The following CCDC60 variants were observed in gnomAD, a reference collection of about 807,000 sequenced individuals.
CCDC60 encodes the protein coiled-coil domain-containing protein 60.
CCDC60 carries 54 observed loss-of-function variants against 63.5 expected under a neutral mutation model. The ratio of observed to expected loss-of-function variants is 0.85; its 90% CI spans 0.68 to 1.07. CCDC60 has a LOEUF of 1.07. Ranked by LOEUF, CCDC60 falls within the 50% of genes least tolerant of loss-of-function variation. The pLI is 0.00. For missense variants in CCDC60, 651 were observed against 684.3 expected, an observed-to-expected ratio of 0.95 and a Z score of 0.54; for synonymous variants, 206 against 238.8, an observed-to-expected ratio of 0.86 and a Z score of 1.27.
chr12:119,495,910 G>C (rs1951706576), intron 5 of CCDC60, among the ~76,000 whole-genome samples: 1 of 152,192 alleles, frequency 6.6e-6, no homozygotes, highest in South Asian at 2.1e-4. Flanking sequence ...GCTAGTGATG[G>C]GCAGGGGAGT....
intron 1 of CCDC60, among the ~76,000 whole-genome samples, chr12:119,397,391 T>C (rs1424559202): frequency 2.0e-5 from 3 of 152,128 alleles, no homozygotes; most frequent in Non-Finnish European, 4.4e-5. Context: ...GAGAGCTGAT[T>C]GGTCCATTTT....
chr12:119,360,540 C>T lies in CCDC60; in HGVS notation c.90+25274C>T, dbSNP rs553094826. Among the ~76,000 whole-genome samples, 102 of 149,366 alleles carry T rather than the reference C, an allele frequency of 6.8e-4. 1 individual carries two copies. The highest frequency in any genetic ancestry group is 6.5e-3 in the Admixed American group (98 of 15,070). Reference sequence around the variant, plus strand: ...GGGTCTCCTCACTTCTCAGACGGGGCGGCCGGGCGGAGACGCTCCTCACCT... The same window carrying T: ...GGGTCTCCTCACTTCTCAGACGGGGTGGCCGGGCGGAGACGCTCCTCACCT... On this transcript the variant is annotated intron_variant, in intron 1 of 13. Coordinates refer to ENST00000327554, the MANE Select transcript of CCDC60 (RefSeq NM_178499.5).
At chr12:119,476,075 TCTC>T (rs141356153) in intron 3 of CCDC60, among the ~76,000 whole-genome samples, 2,055 of 152,256 alleles carry the variant, frequency 0.013, 25 homozygotes, top group Non-Finnish European at 0.022. Context: ...GGAATTATTT[TCTC>T]CTCTCTGGAT....
intron 2 of CCDC60, among the ~76,000 whole-genome samples, chr12:119,444,776 G>A (rs1230882529): frequency 6.6e-6 from 1 of 152,076 alleles, no homozygotes; most frequent in Non-Finnish European, 1.5e-5. Flanking sequence ...ACCTTCCCCC[G>A]GACAACCAGG....
At chr12:119,337,807 CAT>C (rs1491436640) in intron 1 of CCDC60, among the ~76,000 whole-genome samples, 19 of 142,966 alleles carry the variant, frequency 1.3e-4, no homozygotes, top group African/African-American at 4.6e-4. Flanking sequence ...TAGATTCACG[CAT>C]GTGTGTGTGT....
chr12:119,534,818 C>T (rs1952954778), intron 13 of CCDC60, among the ~76,000 whole-genome samples: 1 of 152,136 alleles, frequency 6.6e-6, no homozygotes, highest in Admixed American at 6.6e-5. Flanking sequence ...CTCGGTTTGC[C>T]AGTATTTTAT....
At chr12:119,344,323 G>A (rs115323123) in intron 1 of CCDC60, among the ~76,000 whole-genome samples, 396 of 152,220 alleles carry the variant, frequency 2.6e-3, no homozygotes, top group African/African-American at 9.2e-3. Flanking sequence ...CCCTTCCCCA[G>A]TTGAATGCCT....
intron 1 of CCDC60, among the ~76,000 whole-genome samples, chr12:119,372,103 C>T (rs959971416): frequency 2.0e-5 from 3 of 151,938 alleles, no homozygotes; most frequent in Admixed American, 6.6e-5. Flanking sequence ...ACTAAAAATA[C>T]AAAAAAATTA....
At position 119,505,301 on chromosome 12, in the gene CCDC60, T is replaced by C. The variant is rs780484172; in HGVS notation, c.881T>C (p.Met294Thr). ...AAGCCAGATGAAGAACCTCTGTATA[T>C]GAGTAAGTCCTACCTGAGATCTGAC... Reference protein sequence around the residue: ...STKPDEEPLYMNLQKLLEMVR... With the variant: ...STKPDEEPLYTNLQKLLEMVR... Residue 294 changes from methionine to threonine, a missense_variant and splice_region_variant, in exon 7 of 14, where the codon ATG (methionine) becomes ACG (threonine). Physicochemically the swap from Met to Thr is moderately conservative, Grantham distance 81. Coordinates refer to ENST00000327554, the MANE Select transcript of CCDC60 (RefSeq NM_178499.5). The C allele has an allele frequency of 6.3e-7, 1 of 1,599,726 alleles. No individual in the cohort carries two copies. Among genetic ancestry groups the C allele is most frequent in the Admixed American group, 1.7e-5 (1 of 60,016 alleles).
chr12:119,498,654 C>G (rs528059713), intron 5 of CCDC60, among the ~76,000 whole-genome samples: 1 of 152,282 alleles, frequency 6.6e-6, no homozygotes, highest in Non-Finnish European at 1.5e-5. Flanking sequence ...AGTTCCTGCT[C>G]TCTGCTAGGC....
intron 1 of CCDC60, among the ~76,000 whole-genome samples, chr12:119,339,486 A>AT (rs1273766817): frequency 6.6e-6 from 1 of 152,174 alleles, no homozygotes; most frequent in Admixed American, 6.5e-5. Context: ...GCTTTTAGTG[A>AT]TTAAAGGAGC....
At chr12:119,519,433 G>A (rs1351983080) in intron 8 of CCDC60, among the ~76,000 whole-genome samples, 43 of 121,906 alleles carry the variant, frequency 3.5e-4, no homozygotes, top group South Asian at 1.9e-3. Flanking sequence ...GTGTGTGTGT[G>A]TGCGCGTGTG....
chr12:119,351,243 G>C (rs1366174019), intron 1 of CCDC60, among the ~76,000 whole-genome samples: 1 of 152,204 alleles, frequency 6.6e-6, no homozygotes, highest in African/African-American at 2.4e-5. Flanking sequence ...TATTCTCAAA[G>C]TGGGTAAGAA....
At chr12:119,519,686 C>T (rs1200894647) in intron 8 of CCDC60, among the ~76,000 whole-genome samples, 1 of 152,016 alleles carries the variant, frequency 6.6e-6, no homozygotes, top group Non-Finnish European at 1.5e-5. Flanking sequence ...TGGTCTGGAA[C>T]TCCTGACCTC....
intron 1 of CCDC60, among the ~76,000 whole-genome samples, chr12:119,423,608 G>A (rs1221003349): frequency 6.6e-6 from 1 of 152,210 alleles, no homozygotes; most frequent in African/African-American, 2.4e-5. Flanking sequence ...TCCTCCATGA[G>A]TCTAGCTTAT....
chr12:119,398,938 T>C (rs1444728878), intron 1 of CCDC60, among the ~76,000 whole-genome samples: 1 of 152,164 alleles, frequency 6.6e-6, no homozygotes, highest in Non-Finnish European at 1.5e-5. Flanking sequence ...CTCATATCTC[T>C]AAAAAGAAAG....
intron 1 of CCDC60, among the ~76,000 whole-genome samples, chr12:119,355,137 A>G (rs1463981462): frequency 6.6e-6 from 1 of 152,176 alleles, no homozygotes; most frequent in Non-Finnish European, 1.5e-5. Flanking sequence ...GCCTACTTTT[A>G]AAAGTCTTGA....
chr12:119,444,133 A>C (rs1950496752), intron 2 of CCDC60, among the ~76,000 whole-genome samples: 1 of 152,234 alleles, frequency 6.6e-6, no homozygotes, highest in Non-Finnish European at 1.5e-5. Flanking sequence ...GAAAGCATAC[A>C]GCTAAGAAAC....
At chr12:119,448,095 G>GT (rs1448976315) in intron 2 of CCDC60, among the ~76,000 whole-genome samples, 1 of 151,730 alleles carries the variant, frequency 6.6e-6, no homozygotes, top group East Asian at 1.9e-4. Context: ...GAGCTCTAAT[G>GT]TACAGCATGA....
Sources: allele counts gnomAD v4.1 joint callset (sites outside exome capture counted in the v4.1 genomes callset), GRCh38; gene constraint gnomAD v4.1.1; transcripts MANE v1.5; gene names NCBI Gene and HGNC (gene_info 2026-07-23, HGNC 2026-07-21).